The following CEP63 variants were observed in gnomAD, a reference collection of about 807,000 sequenced individuals.
The protein encoded by CEP63 is centrosomal protein of 63 kDa.
CEP63 carries 84 observed loss-of-function variants against 89.1 expected under a neutral mutation model. The ratio of observed to expected loss-of-function variants is 0.94; its 90% CI spans 0.79 to 1.13. The LOEUF (loss-of-function observed/expected upper bound fraction) is 1.13. CEP63 is among the 50% of genes most tolerant of loss of function. CEP63 has a pLI of 0.00. For synonymous variants in CEP63, 267 were observed against 272.5 expected (o/e 0.98, Z 0.20); for missense variants, 838 against 813.3 (o/e 1.03, Z -0.37).
chr3:134,593,864 C>G, the CEP63 span, among the ~76,000 whole-genome samples: 118 of 152,300 alleles, frequency 7.7e-4, no homozygotes, highest in Admixed American at 1.2e-3. Context: ...TTAACGTGTT[C>G]TCTCCACTGT....
the CEP63 span, among the ~76,000 whole-genome samples, chr3:134,660,248 G>A: frequency 6.6e-6 from 1 of 152,278 alleles, no homozygotes; most frequent in Non-Finnish European, 1.5e-5. Flanking sequence ...TCCGGGCAAG[G>A]AGGTTGCGAT....
chr3:134,762,877 A>G, the CEP63 span, among the ~76,000 whole-genome samples: 1 of 152,164 alleles, frequency 6.6e-6, no homozygotes, highest in Admixed American at 6.5e-5. Flanking sequence ...CGAACGAACA[A>G]CCAAACACAC....
intron 10 of CEP63, among the ~76,000 whole-genome samples, chr3:134,582,415 T>G (rs1425616543): frequency 1.3e-5 from 2 of 151,348 alleles, no homozygotes; most frequent in East Asian, 1.9e-4. Context: ...CACCCAAGAG[T>G]GAGAACATGT....
chr3:134,650,505 T>G, the CEP63 span, among the ~76,000 whole-genome samples: 1 of 152,136 alleles, frequency 6.6e-6, no homozygotes, highest in African/African-American at 2.4e-5. Context: ...GCCGCCTTCC[T>G]CCAGGGTATC....
intron 3 of CEP63, among the ~76,000 whole-genome samples, chr3:134,526,397 A>T (rs1948645414): frequency 6.6e-6 from 1 of 151,918 alleles, no homozygotes. Flanking sequence ...TTTTGCTATT[A>T]TTACTTGTGA....
At chr3:134,556,474 A>G (rs1307539587) in intron 12 of CEP63, among the ~76,000 whole-genome samples, 2 of 151,644 alleles carry the variant, frequency 1.3e-5, no homozygotes, top group East Asian at 2.0e-4. Context: ...GGAAGGAAGG[A>G]AGGGAGGGAG....
chr3:134,517,545 C>T (rs1001691184), intron 3 of CEP63, among the ~76,000 whole-genome samples: 3 of 152,156 alleles, frequency 2.0e-5, no homozygotes, highest in African/African-American at 2.4e-5. Flanking sequence ...AAAAAATACC[C>T]TTACCAAAAT....
Position 134,551,937 on chromosome 3 carries a change from T to A in CEP63, c.1392T>A (p.Asp464Glu). ...DKAVEHKEIL[D>E]QLESLKLENR... ...TTTCCCCTTTTCAGGAGATTTTGGA[T>A]CAGCTGGAGTCACTCAAATTAGAAA... The change falls in exon 12 of 15, where the codon GAT (aspartate) becomes GAA (glutamate). Residue 464 changes from aspartate (D) to glutamate (E), a missense_variant. Coordinates refer to ENST00000675561, the MANE Select transcript of CEP63 (RefSeq NM_001353108.3). 1.2e-6 allele frequency: 2 copies of A among 1,606,648 alleles called. No homozygotes were observed. The highest frequency in any genetic ancestry group is 1.7e-6 in the Non-Finnish European group (2 of 1,175,352).
chr3:134,491,524 A>T (rs893838354), intron 1 of CEP63, among the ~76,000 whole-genome samples: 8 of 152,202 alleles, frequency 5.3e-5, no homozygotes, highest in African/African-American at 7.2e-5. Context: ...ACTTTTTCAT[A>T]TAAAAGTTTG....
At chr3:134,634,070 C>T in the CEP63 span, among the ~76,000 whole-genome samples, 121 of 152,192 alleles carry the variant, frequency 8.0e-4, no homozygotes, top group African/African-American at 2.6e-3. Flanking sequence ...GTGCAATAAT[C>T]GCATACTGAA....
chr3:134,606,884 T>G, the CEP63 span: 4 of 980,000 alleles, frequency 4.1e-6, no homozygotes, highest in South Asian at 1.9e-4. Context: ...GCCCCTTATC[T>G]AGGTGCCCTC....
the CEP63 span, chr3:134,628,000 G>A: frequency 1.3e-5 from 8 of 613,990 alleles, no homozygotes; most frequent in South Asian, 1.4e-4. Flanking sequence ...GAACTTCCTG[G>A]TGTGGCAGAA....
the CEP63 span, among the ~76,000 whole-genome samples, chr3:134,704,433 A>G: frequency 2.0e-5 from 3 of 152,078 alleles, no homozygotes; most frequent in East Asian, 5.8e-4. Flanking sequence ...AGAGAGAACG[A>G]AAGCAGGAAG....
At chr3:134,558,079 C>T in intron 12 of CEP63, 63 bp from the exon 13 acceptor site, 11 of 1,369,982 alleles carry the variant, frequency 8.0e-6, no homozygotes, top group Non-Finnish European at 1.1e-5. Context: ...TTCCAACCAG[C>T]AGTATCACAG....
the CEP63 span, among the ~76,000 whole-genome samples, chr3:134,649,368 T>A: frequency 6.6e-6 from 1 of 152,294 alleles, no homozygotes; most frequent in East Asian, 1.9e-4. Flanking sequence ...CCCTTTCTAG[T>A]GTCAGAGCCT....
the CEP63 span, among the ~76,000 whole-genome samples, chr3:134,706,421 C>G: frequency 6.6e-6 from 1 of 152,142 alleles, no homozygotes; most frequent in Non-Finnish European, 1.5e-5. Flanking sequence ...TGAAGGCTCT[C>G]CAGCTATGAG....
At chr3:134,656,164 A>C in the CEP63 span, among the ~76,000 whole-genome samples, 42 of 152,310 alleles carry the variant, frequency 2.8e-4, no homozygotes, top group African/African-American at 9.9e-4. Flanking sequence ...GGGGAGAGGC[A>C]TCTGTCCTCC....
At chr3:134,547,870 A>G (rs930311158) in intron 9 of CEP63, among the ~76,000 whole-genome samples, 3 of 151,948 alleles carry the variant, frequency 2.0e-5, no homozygotes, top group Non-Finnish European at 4.4e-5. Context: ...TGGCCTCCCA[A>G]AGTGCTGGGA....
At chr3:134,583,541 A>C (rs373737117) in intron 10 of CEP63, among the ~76,000 whole-genome samples, 10 of 151,850 alleles carry the variant, frequency 6.6e-5, no homozygotes, top group East Asian at 3.9e-4. Flanking sequence ...TGGTCTATAT[A>C]TCTGTTTTGG....
Sources: allele counts gnomAD v4.1 joint callset (sites outside exome capture counted in the v4.1 genomes callset), GRCh38; gene constraint gnomAD v4.1.1; transcripts MANE v1.5; gene names NCBI Gene and HGNC (gene_info 2026-07-23, HGNC 2026-07-21).